DIP2C: variants seen among roughly 807,000 people sequenced by gnomAD.
The protein encoded by DIP2C is DIP2 acetate--CoA ligase C (putative).
In DIP2C, 33 loss-of-function variants were observed where a neutral mutation model predicts 192.4. The ratio of observed to expected loss-of-function variants is 0.17; its 90% CI spans 0.13 to 0.23. The LOEUF (loss-of-function observed/expected upper bound fraction) is 0.23. DIP2C is among the 10% of genes least tolerant of loss of function. DIP2C has a pLI of 1.00. For missense variants in DIP2C, 1,537 were observed against 2,110.1 expected (o/e 0.73, Z 5.32); for synonymous variants, 979 against 864.1 (o/e 1.13, Z -2.33).
At chr10:299,360 C>G (rs1349695796) in intron 32 of DIP2C, among the ~76,000 whole-genome samples, 1 of 152,226 alleles carries the variant, frequency 6.6e-6, no homozygotes, top group East Asian at 1.9e-4. Flanking sequence ...CAGGGCTCAC[C>G]CTAGCATCAG....
intron 1 of DIP2C, among the ~76,000 whole-genome samples, chr10:591,560 C>G (rs939996699): frequency 2.0e-5 from 3 of 152,094 alleles, no homozygotes; most frequent in African/African-American, 7.2e-5. Flanking sequence ...GTTTAAAAAC[C>G]AAAAATGCCA....
chr10:337,073 T>TGTGTGTGTG (rs374638763), intron 29 of DIP2C, among the ~76,000 whole-genome samples: 3 of 71,492 alleles, frequency 4.2e-5, no homozygotes, highest in Non-Finnish European at 5.6e-5. Context: ...TGTGTGTGTG[T>TGTGTGTGTG]TGTGGAGGCC....
chr10:507,665 T>C (rs1050897968), intron 1 of DIP2C, among the ~76,000 whole-genome samples: 1 of 152,206 alleles, frequency 6.6e-6, no homozygotes, highest in African/African-American at 2.4e-5. Context: ...TCCCAAAAGC[T>C]CGTCCGTCTT....
At chr10:479,895 C>T (rs1275786862) in intron 2 of DIP2C, among the ~76,000 whole-genome samples, 1 of 151,544 alleles carries the variant, frequency 6.6e-6, no homozygotes, top group Non-Finnish European at 1.5e-5. Context: ...GGATGAGTGT[C>T]ATCCGCCAGC....
At chr10:514,009 G>A (rs991703054) in intron 1 of DIP2C, among the ~76,000 whole-genome samples, 8 of 152,206 alleles carry the variant, frequency 5.3e-5, no homozygotes, top group Non-Finnish European at 8.8e-5. Flanking sequence ...GATGTAGGAT[G>A]CTCAGAAACC....
intron 1 of DIP2C, among the ~76,000 whole-genome samples, chr10:582,262 C>T (rs890169800): frequency 5.9e-5 from 9 of 152,200 alleles, no homozygotes; most frequent in African/African-American, 2.2e-4. Context: ...AGACACCACT[C>T]GTGACCCTGC....
rs1957418139 is a variant in DIP2C, at chr10:329,695, A to G, written c.3585-94T>C. 9 of 1,467,346 alleles carry G rather than the reference A, an allele frequency of 6.1e-6. No individual in the cohort carries two copies. The Admixed American group carries it at 1.2e-4, about 19-fold the overall frequency. 90.9% of individuals were successfully genotyped at this position (1,467,346 alleles called of 1,614,324 possible). Reference sequence around the variant, plus strand: ...TCAGGGCAGCACTGACTCCAAGGAAAAGGAGGACTTGGAACAGCCCGTGCT... The same window carrying G: ...TCAGGGCAGCACTGACTCCAAGGAAGAGGAGGACTTGGAACAGCCCGTGCT... On this transcript the variant is annotated intron_variant, in intron 29 of 36. Transcript: ENST00000280886.
At chr10:657,110 C>CCTGCCGCTGGACCTGCCACT in intron 1 of DIP2C, among the ~76,000 whole-genome samples, 1 of 150,502 alleles carries the variant, frequency 6.6e-6, no homozygotes, top group Non-Finnish European at 1.5e-5. Context: ...GACCTGCCCC[C>CCTGCCGCTGGACCTGCCACT]GGACCTGCCG....
At chr10:665,819 C>G (rs1857055013) in intron 1 of DIP2C, 1 of 152,224 alleles carries the variant, frequency 6.6e-6, no homozygotes, top group African/African-American at 2.4e-5. Context: ...GAAAGGAAAA[C>G]AAGAGCCAGG....
chr10:321,599 CGGCGCTGTT>C (rs1957026631), intron 31 of DIP2C, among the ~76,000 whole-genome samples: 2 of 144,312 alleles, frequency 1.4e-5, no homozygotes, highest in African/African-American at 5.3e-5. Flanking sequence ...AGCGAGAGAC[CGGCGCTGTT>C]AGAACAGTCA....
intron 1 of DIP2C, among the ~76,000 whole-genome samples, chr10:542,474 C>T (rs929346311): frequency 3.9e-5 from 6 of 152,202 alleles, no homozygotes; most frequent in African/African-American, 1.2e-4. Context: ...GGACTGCCAG[C>T]GGCCAGACGA....
chr10:670,250 A>G (rs1176902979), intron 1 of DIP2C, among the ~76,000 whole-genome samples: 2 of 152,118 alleles, frequency 1.3e-5, no homozygotes, highest in African/African-American at 2.4e-5. Context: ...ATATGCACAC[A>G]CGTACATGCA....
rs528011013 is a variant in DIP2C at position 400,354 on chromosome 10, T to C, written c.1150-1135A>G. On this transcript the variant is annotated intron_variant, in intron 9 of 36. Transcript: ENST00000280886. ...TGTTTTCTGATGGTCCTTAACAGTA[T>C]GGTGTATCTTGACGAAGAACAATTT... Among the ~76,000 whole-genome samples the C allele has an allele frequency of 8.5e-5, 13 of 152,342 alleles. No homozygotes were observed. In the South Asian group the frequency reaches 2.7e-3, roughly 32 times the overall value.
chr10:385,403 G>A (rs567938387), intron 14 of DIP2C, among the ~76,000 whole-genome samples: 1 of 152,338 alleles, frequency 6.6e-6, no homozygotes, highest in South Asian at 2.1e-4. Flanking sequence ...AGTAATTTAA[G>A]TCCAAATCTT....
rs183899982 is a variant in DIP2C at position 431,139 on chromosome 10, G to A, written c.395-8106C>T. On this transcript the variant is annotated intron_variant, in intron 4 of 36. Coordinates refer to ENST00000280886, the MANE Select transcript of DIP2C (RefSeq NM_014974.3). ...TTATAGTAAGTCTTGAAGTTGCATA[G>A]TGTCAGTCTTCAACTTTGTTCTTCT... Among the ~76,000 whole-genome samples the A allele has an allele frequency of 3.3e-4, 50 of 152,252 alleles. No individual in the cohort carries two copies. In the East Asian group the frequency reaches 8.9e-3, roughly 27 times the overall value.
At chr10:337,666 C>T (rs1291730714) in intron 29 of DIP2C, among the ~76,000 whole-genome samples, 9 of 62,328 alleles carry the variant, frequency 1.4e-4, no homozygotes, top group East Asian at 5.4e-4. Context: ...GGTGTGTGTA[C>T]GCGTGTGTGT....
intron 2 of DIP2C, among the ~76,000 whole-genome samples, chr10:476,179 G>A (rs1202338266): frequency 1.3e-5 from 2 of 152,170 alleles, no homozygotes; most frequent in South Asian, 2.1e-4. Context: ...ACACTCAAGA[G>A]TCTGGAGAAC....
At chr10:525,270 G>GT (rs1436173588) in intron 1 of DIP2C, among the ~76,000 whole-genome samples, 3 of 152,076 alleles carry the variant, frequency 2.0e-5, no homozygotes, top group African/African-American at 7.2e-5. Context: ...TTTGACTTCA[G>GT]CAATTTCCAA....
chr10:434,473 A>G (rs1306282361), intron 4 of DIP2C, among the ~76,000 whole-genome samples: 2 of 152,056 alleles, frequency 1.3e-5, no homozygotes, highest in Non-Finnish European at 2.9e-5. Context: ...GAGTCTCACT[A>G]CGTTGCCCAG....
Sources: allele counts gnomAD v4.1 joint callset (sites outside exome capture counted in the v4.1 genomes callset), GRCh38; gene constraint gnomAD v4.1.1; transcripts MANE v1.5; gene names NCBI Gene and HGNC (gene_info 2026-07-23, HGNC 2026-07-21).